The following PGBD5 variants were observed in gnomAD, a reference collection of about 807,000 sequenced individuals.
PGBD5 encodes the protein piggyBac transposable element derived 5, also known as piggyBac transposable element-derived protein 5.
A neutral mutation model predicts 47.9 loss-of-function variants in PGBD5; 14 were observed. That is an observed-to-expected ratio of 0.29 (90% CI 0.19 to 0.46). The LOEUF (loss-of-function observed/expected upper bound fraction) is 0.46, where lower values mean the gene tolerates loss of function less well. PGBD5 is among the 20% of genes least tolerant of loss of function. The pLI, the probability that PGBD5 is intolerant of heterozygous loss-of-function variation, is 1.00. For missense variants in PGBD5, 635 were observed against 716.0 expected (o/e 0.89, Z 1.29); for synonymous variants, 316 against 306.3 (o/e 1.03, Z -0.33).
At chr1:230,413,933 G>T (rs879291297) in intron 1 of PGBD5, among the ~76,000 whole-genome samples, 1 of 152,170 alleles carries the variant, frequency 6.6e-6, no homozygotes, top group Non-Finnish European at 1.5e-5. Context: ...AAATGTATTT[G>T]AAAGAAGATA....
At position 230,332,908 on chromosome 1, in the gene PGBD5, C is replaced by A. The variant is rs1282874376; in HGVS notation, c.1209G>T (p.Leu403Phe). The change falls in exon 5 of 7, where the codon TTG (leucine) becomes TTT (phenylalanine). Residue 403 changes from leucine (L) to phenylalanine (F), a missense_variant. Leu to Phe is a conservative substitution (Grantham distance 22). Coordinates refer to ENST00000391860, the MANE Select transcript of PGBD5 (RefSeq NM_001258311.2). ...YQIKMKGNMS[L>F]ICWYNKGHFR... ...AGTGTCCTTTGTTGTACCAGCAGATCAAGGACATGTTCCCCTTCATCTTGA... is the reference window on the plus strand; with the variant it reads ...AGTGTCCTTTGTTGTACCAGCAGATAAAGGACATGTTCCCCTTCATCTTGA... The A allele has an allele frequency of 1.2e-6, 2 of 1,614,106 alleles. No individual in the cohort carries two copies. The highest frequency in any genetic ancestry group is 1.7e-6 in the Non-Finnish European group (2 of 1,180,038).
chr1:230,335,784 C>CACAG lies in PGBD5; in HGVS notation c.1075+1323_1075+1324insCTGT, dbSNP rs1558192790. On this transcript the variant is annotated intron_variant, in intron 4 of 6. Coordinates refer to ENST00000391860, the MANE Select transcript of PGBD5 (RefSeq NM_001258311.2). The stretch of plus-strand genomic sequence containing the variant: ...ACACAGATACAGACAGACACACACA[C>CACAG]ACACACAGGCACAAAGACACACAGA... Among the ~76,000 whole-genome samples, 14 of 115,614 alleles carry CACAG rather than the reference C, an allele frequency of 1.2e-4. 1 individual carries two copies. Among genetic ancestry groups the CACAG allele is most frequent in the African/African-American group, 3.6e-4 (11 of 30,934 alleles). The allele number at this position is 115,614 out of a possible 152,430, so 75.8% of individuals were successfully genotyped here.
intron 5 of PGBD5, among the ~76,000 whole-genome samples, chr1:230,331,901 C>A (rs1471833467): frequency 7.9e-5 from 12 of 151,580 alleles, no homozygotes; most frequent in Non-Finnish European, 4.4e-5. Context: ...GTCCCTTGAT[C>A]GCAATCTCCA....
chr1:230,422,296 G>C (rs1455965412), intron 1 of PGBD5, among the ~76,000 whole-genome samples: 1 of 152,032 alleles, frequency 6.6e-6, no homozygotes, highest in Non-Finnish European at 1.5e-5. Flanking sequence ...CGAATCACAA[G>C]ACTGCTCAGA....
At chr1:230,407,060 C>T (rs1210260492) in intron 1 of PGBD5, among the ~76,000 whole-genome samples, 4 of 152,150 alleles carry the variant, frequency 2.6e-5, no homozygotes, top group African/African-American at 9.7e-5. Context: ...GTCTTGAACC[C>T]CTGACCTCAG....
chr1:230,400,292 G>T (rs1657105178), intron 1 of PGBD5, among the ~76,000 whole-genome samples: 1 of 152,094 alleles, frequency 6.6e-6, no homozygotes, highest in Admixed American at 6.5e-5. Context: ...TTCTGAATCA[G>T]GCCTGCCCAC....
At chr1:230,415,914 A>G (rs1657502274) in intron 1 of PGBD5, among the ~76,000 whole-genome samples, 2 of 152,228 alleles carry the variant, frequency 1.3e-5, no homozygotes, top group Admixed American at 1.3e-4. Context: ...TCTACTCTTG[A>G]GCACTCTGTA....
At chr1:230,422,548 A>G (rs1254464778) in intron 1 of PGBD5, among the ~76,000 whole-genome samples, 1 of 152,090 alleles carries the variant, frequency 6.6e-6, no homozygotes, top group Non-Finnish European at 1.5e-5. Flanking sequence ...AGGGGTTAAG[A>G]GCCCAACAGC....
chr1:230,345,298 G>A (rs1179181695), intron 3 of PGBD5, among the ~76,000 whole-genome samples: 2 of 152,208 alleles, frequency 1.3e-5, no homozygotes, highest in Admixed American at 6.5e-5. Context: ...AGAGGGCACA[G>A]GCTTCCAGGA....
intron 1 of PGBD5, among the ~76,000 whole-genome samples, chr1:230,368,798 T>TAG (rs1667883580): frequency 6.6e-6 from 1 of 151,976 alleles, no homozygotes; most frequent in Admixed American, 6.5e-5. Flanking sequence ...GAAACGTGTG[T>TAG]GTATGTGAGT....
intron 3 of PGBD5, among the ~76,000 whole-genome samples, chr1:230,339,134 C>A (rs529116997): frequency 6.6e-6 from 1 of 152,320 alleles, no homozygotes; most frequent in Admixed American, 6.5e-5. Context: ...CACTTCTATG[C>A]ATCTGAAGAA....
rs950034624 is a variant in PGBD5 at position 230,365,631 on chromosome 1, C to T, written c.332-8310G>A. Among the ~76,000 whole-genome samples the T allele has an allele frequency of 1.2e-4, 18 of 152,170 alleles. 1 individual carries two copies. The highest frequency in any genetic ancestry group is 4.1e-4 in the African/African-American group (17 of 41,450). Reference sequence around the variant, plus strand: ...CTCTGCTAGGCAGAGGTGGGCTTGACCATCTCTGAGGGCACGAAGTCAACC... The same window carrying T: ...CTCTGCTAGGCAGAGGTGGGCTTGATCATCTCTGAGGGCACGAAGTCAACC... On this transcript the variant is annotated intron_variant, in intron 1 of 6. Coordinates refer to ENST00000391860, the MANE Select transcript of PGBD5 (RefSeq NM_001258311.2).
Position 230,316,132 on chromosome 1 carries a change from A to G in PGBD5, c.*7293T>C, listed in dbSNP as rs1164611243. On this transcript the variant is annotated 3_prime_UTR_variant, in exon 7 of 7. Transcript: ENST00000391860. ...TACACATATATCTATGTGTATACAT[A>G]CATATGTATATGTGTACACATATAT... 2 of 151,242 alleles carry G rather than the reference A, an allele frequency of 1.3e-5. No homozygotes were observed. The highest frequency in any genetic ancestry group is 4.9e-5 in the African/African-American group (2 of 40,968). The allele number at this position is 151,242 out of a possible 1,614,324, so 9.4% of individuals were successfully genotyped here. A position where few individuals can be genotyped will look rare whatever the true frequency, so the allele number is the denominator to read the frequency against.
chr1:230,345,570 C>G (rs763999022), intron 3 of PGBD5, among the ~76,000 whole-genome samples: 2 of 152,216 alleles, frequency 1.3e-5, no homozygotes, highest in African/African-American at 2.4e-5. Context: ...TAAATACAGA[C>G]AGTCTCCAAT....
intron 3 of PGBD5, among the ~76,000 whole-genome samples, chr1:230,338,401 G>T (rs1180368616): frequency 1.3e-5 from 2 of 152,212 alleles, no homozygotes; most frequent in Non-Finnish European, 2.9e-5. Context: ...CCTTACGGCT[G>T]CAGGACTGAG....
intron 5 of PGBD5, among the ~76,000 whole-genome samples, chr1:230,330,286 A>AAGT (rs1667192993): frequency 6.6e-6 from 1 of 152,174 alleles, no homozygotes; most frequent in Non-Finnish European, 1.5e-5. Context: ...GATGGTAGAG[A>AAGT]AGTACAGCCT....
rs896258567 is a variant in PGBD5 at position 230,317,753 on chromosome 1, A to C, written c.*5672T>G. Reference sequence around the variant, plus strand: ...CCTCCATCGTCTTCCTAGGTCTTTCACACAAGCCGATGTCCTCCCCGCCCT... The same window carrying C: ...CCTCCATCGTCTTCCTAGGTCTTTCCCACAAGCCGATGTCCTCCCCGCCCT... On this transcript the variant is annotated 3_prime_UTR_variant, in exon 7 of 7. Coordinates refer to ENST00000391860, the MANE Select transcript of PGBD5 (RefSeq NM_001258311.2). The C allele has an allele frequency of 6.6e-6, 1 of 152,102 alleles. No individual in the cohort carries two copies. Among genetic ancestry groups the C allele is most frequent in the Non-Finnish European group, 1.5e-5 (1 of 68,038 alleles). The allele number at this position is 152,102 out of a possible 1,614,324, so 9.4% of individuals were successfully genotyped here. A position where few individuals can be genotyped will look rare whatever the true frequency, so the allele number is the denominator to read the frequency against.
chr1:230,395,135 C>T (rs138753941), intron 1 of PGBD5, among the ~76,000 whole-genome samples: 35 of 64,396 alleles, frequency 5.4e-4, no homozygotes, highest in African/African-American at 2.2e-3. Context: ...CACTCCTCCC[C>T]ATCCCCGAGC....
In PGBD5 at chr1:230,422,279, C is replaced by T. The variant is rs146277002; in HGVS notation, c.331+3319G>A. ...AATCTGTCTGTTCCTCTGCCTCCTC[C>T]GAGAAACGAATCACAAGACTGCTCA... is the stretch of plus-strand genomic sequence containing the variant. On this transcript the variant is annotated intron_variant, in intron 1 of 6. Coordinates refer to ENST00000391860, the MANE Select transcript of PGBD5 (RefSeq NM_001258311.2). 4.0e-3 allele frequency among the ~76,000 whole-genome samples: 605 copies of T among 152,190 alleles called. 5 individuals are homozygous for T. The highest frequency in any genetic ancestry group is 0.014 in the Middle Eastern group (4 of 294).
Sources: allele counts gnomAD v4.1 joint callset (sites outside exome capture counted in the v4.1 genomes callset), GRCh38; gene constraint gnomAD v4.1.1; transcripts MANE v1.5; gene names NCBI Gene and HGNC (gene_info 2026-07-23, HGNC 2026-07-21).